The following SLC22A23 variants were observed in gnomAD, a reference collection of about 807,000 sequenced individuals.
The protein encoded by SLC22A23 is solute carrier family 22 member 23.
SLC22A23 carries 26 observed loss-of-function variants against 61.0 expected under a neutral mutation model. That is an observed-to-expected ratio of 0.43 (90% CI 0.31 to 0.59). SLC22A23 has a LOEUF of 0.59. Among genes scored for constraint, SLC22A23 ranks in the 20% least tolerant of loss-of-function variants. The pLI is 0.11. For synonymous variants in SLC22A23, 430 were observed against 413.9 expected (o/e 1.04, Z -0.47); for missense variants, 796 against 934.7 (o/e 0.85, Z 1.94).
At chr6:3,381,688 G>C (rs1766963047) in intron 3 of SLC22A23, among the ~76,000 whole-genome samples, 1 of 152,174 alleles carries the variant, frequency 6.6e-6, no homozygotes, top group Non-Finnish European at 1.5e-5. Context: ...GGGGACAGTA[G>C]TGGAATTTAT....
At chr6:3,346,427 C>T (rs1347332441) in intron 3 of SLC22A23, among the ~76,000 whole-genome samples, 1 of 152,192 alleles carries the variant, frequency 6.6e-6, no homozygotes, top group Non-Finnish European at 1.5e-5. Flanking sequence ...TCCTCCCCTG[C>T]ATGGATGAAG....
chr6:3,404,893 A>G (rs1308652977), intron 3 of SLC22A23, among the ~76,000 whole-genome samples: 3 of 152,004 alleles, frequency 2.0e-5, no homozygotes, highest in Non-Finnish European at 4.4e-5. Context: ...AGAGACCTCA[A>G]TCTGCTCCGA....
intron 4 of SLC22A23, among the ~76,000 whole-genome samples, chr6:3,300,958 A>T (rs186960678): frequency 6.7e-6 from 1 of 150,086 alleles, no homozygotes; most frequent in East Asian, 2.0e-4. Context: ...GTCATCTCAC[A>T]TGGAAGTCCC....
intron 1 of SLC22A23, among the ~76,000 whole-genome samples, chr6:3,431,074 A>C: frequency 6.6e-6 from 1 of 151,640 alleles, no homozygotes; most frequent in Non-Finnish European, 1.5e-5. Context: ...CTCAAAAAAA[A>C]AAAAAAAAAA....
At chr6:3,346,650 C>G (rs1764456611) in intron 3 of SLC22A23, among the ~76,000 whole-genome samples, 1 of 152,170 alleles carries the variant, frequency 6.6e-6, no homozygotes, top group Non-Finnish European at 1.5e-5. Flanking sequence ...GCATGAAACA[C>G]CTCCAGCTAC....
intron 3 of SLC22A23, among the ~76,000 whole-genome samples, chr6:3,377,427 A>G (rs1320887015): frequency 6.6e-6 from 1 of 152,182 alleles, no homozygotes; most frequent in East Asian, 1.9e-4. Context: ...AGAGCCCACC[A>G]ACTGCCAGAC....
In SLC22A23 at chr6:3,390,459, T is replaced by C. The variant is rs781346619; in HGVS notation, c.913+19729A>G. Among the ~76,000 whole-genome samples the C allele has an allele frequency of 6.6e-6, 1 of 152,104 alleles. No homozygotes were observed. The highest frequency in any genetic ancestry group is 1.5e-5 in the Non-Finnish European group (1 of 68,010). On this transcript the variant is annotated intron_variant, in intron 3 of 9. Transcript: ENST00000406686. The surrounding 1 kb of genome is among the most constrained non-coding windows in gnomAD (Gnocchi z 4.0). The stretch of plus-strand genomic sequence containing the variant: ...AACCTAACATGAGAAGGCTAAGAAT[T>C]CTGTTCACATCTACCATGACCTTAG...
rs1052147050 is a variant in SLC22A23, at chr6:3,269,899, T to C, written c.*3156A>G. 11 of 152,958 alleles carry C rather than the reference T, an allele frequency of 7.2e-5. No homozygotes were observed. The highest frequency in any genetic ancestry group is 2.6e-4 in the African/African-American group (11 of 41,596). The allele number at this position is 152,958 out of a possible 1,614,324, so 9.5% of individuals were successfully genotyped here. A position where few individuals can be genotyped will look rare whatever the true frequency, so the allele number is the denominator to read the frequency against. On this transcript the variant is annotated 3_prime_UTR_variant, in exon 10 of 10. Transcript: ENST00000406686. ...TGGTGTCTGAGTGTGATACTTCCCTTACGAGGTTTGTTTTTGTTTTCTTTC... is the reference window on the plus strand; with the variant it reads ...TGGTGTCTGAGTGTGATACTTCCCTCACGAGGTTTGTTTTTGTTTTCTTTC...
At chr6:3,326,661 C>A (rs1360452498) in intron 3 of SLC22A23, among the ~76,000 whole-genome samples, 1 of 152,230 alleles carries the variant, frequency 6.6e-6, no homozygotes, top group Non-Finnish European at 1.5e-5. Flanking sequence ...GGTATTTTAG[C>A]ATTGCTGCCT....
At chr6:3,429,311 C>G (rs1301000347) in intron 1 of SLC22A23, among the ~76,000 whole-genome samples, 2 of 152,194 alleles carry the variant, frequency 1.3e-5, no homozygotes, top group Admixed American at 1.3e-4. Flanking sequence ...GAGTTTATAA[C>G]TGCTAATTGG....
At chr6:3,418,183 G>A (rs759172502) in intron 1 of SLC22A23, among the ~76,000 whole-genome samples, 4 of 152,174 alleles carry the variant, frequency 2.6e-5, no homozygotes, top group Non-Finnish European at 5.9e-5. Context: ...TGGCAGGAGA[G>A]GAACACATCC....
At chr6:3,442,718 C>T (rs6938175) in intron 1 of SLC22A23, among the ~76,000 whole-genome samples, 126,745 of 152,078 alleles carry the variant, frequency 0.83, 53,462 homozygotes, top group African/African-American at 0.96. Context: ...CATTATCTCC[C>T]TTGCACCTAT....
intron 3 of SLC22A23, among the ~76,000 whole-genome samples, chr6:3,380,139 G>A (rs1216801804): frequency 2.0e-5 from 3 of 152,128 alleles, no homozygotes; most frequent in South Asian, 2.1e-4. Context: ...CCAGAGTAGC[G>A]CTTGATATCT....
chr6:3,348,713 C>G (rs964555301), intron 3 of SLC22A23, among the ~76,000 whole-genome samples: 1 of 152,206 alleles, frequency 6.6e-6, no homozygotes, highest in East Asian at 1.9e-4. Flanking sequence ...GCTCATTCAA[C>G]CCAAGATCCA....
intron 3 of SLC22A23, among the ~76,000 whole-genome samples, chr6:3,370,221 C>T (rs1240358436): frequency 6.6e-6 from 1 of 152,170 alleles, no homozygotes; most frequent in African/African-American, 2.4e-5. Flanking sequence ...AAGGCAAAAA[C>T]CCTTTTAAGA....
At chr6:3,433,164 G>T (rs1770982064) in intron 1 of SLC22A23, among the ~76,000 whole-genome samples, 1 of 152,252 alleles carries the variant, frequency 6.6e-6, no homozygotes, top group Non-Finnish European at 1.5e-5. Context: ...GGAGGGCCTG[G>T]CTGCCAAAGC....
At chr6:3,288,227 A>C (rs1760236132) in intron 6 of SLC22A23, among the ~76,000 whole-genome samples, 1 of 152,062 alleles carries the variant, frequency 6.6e-6, no homozygotes, top group Non-Finnish European at 1.5e-5. Context: ...GACCCTTCTT[A>C]TGTCTGCTCT....
intron 3 of SLC22A23, among the ~76,000 whole-genome samples, chr6:3,367,159 G>A (rs1478788843): frequency 6.6e-6 from 1 of 152,212 alleles, no homozygotes; most frequent in Non-Finnish European, 1.5e-5. Flanking sequence ...CTTTTCCCTG[G>A]AGCTTTCTGC....
intron 3 of SLC22A23, among the ~76,000 whole-genome samples, chr6:3,392,831 A>T (rs1366800586): frequency 6.6e-6 from 1 of 152,220 alleles, no homozygotes; most frequent in Non-Finnish European, 1.5e-5. Flanking sequence ...CAAGTGGAAC[A>T]TCCACAAGGC....
Sources: allele counts gnomAD v4.1 joint callset (sites outside exome capture counted in the v4.1 genomes callset), GRCh38; gene constraint gnomAD v4.1.1; non-coding constraint Gnocchi (gnomAD v3.1); transcripts MANE v1.5; gene names NCBI Gene and HGNC (gene_info 2026-07-23, HGNC 2026-07-21).